DIS3L2: variants seen among roughly 807,000 people sequenced by gnomAD.
DIS3L2 encodes DIS3 like 3'-5' exoribonuclease 2.
Under a neutral mutation model 97.5 loss-of-function variants are expected in DIS3L2, and 34 were observed. The observed-to-expected ratio is 0.35, with a 90% CI of 0.27 to 0.46. The LOEUF is 0.46. Ranked by LOEUF, DIS3L2 falls within the 20% of genes least tolerant of loss-of-function variation. DIS3L2 has a pLI of 1.00. For missense variants in DIS3L2, 1,038 were observed against 1,146.0 expected, an observed-to-expected ratio of 0.91 and a Z score of 1.36; for synonymous variants, 435 against 445.2, an observed-to-expected ratio of 0.98 and a Z score of 0.29.
At chr2:232,170,252 T>G (rs1690945835) in intron 9 of DIS3L2, among the ~76,000 whole-genome samples, 1 of 152,248 alleles carries the variant, frequency 6.6e-6, no homozygotes, top group African/African-American at 2.4e-5. Flanking sequence ...TTCATTCATA[T>G]TGTTTTGTTT....
At chr2:232,174,314 G>A (rs1691082741) in intron 9 of DIS3L2, among the ~76,000 whole-genome samples, 1 of 151,932 alleles carries the variant, frequency 6.6e-6, no homozygotes, top group Non-Finnish European at 1.5e-5. Context: ...GGCCGGGCAT[G>A]GTGGCTCATG....
At chr2:232,144,402 G>A (rs573847528) in intron 8 of DIS3L2, among the ~76,000 whole-genome samples, 1 of 152,162 alleles carries the variant, frequency 6.6e-6, no homozygotes, top group Middle Eastern at 3.4e-3. Context: ...AATTACTGAT[G>A]AGGTTGAACA....
chr2:232,100,658 A>G (rs576251337), intron 6 of DIS3L2, among the ~76,000 whole-genome samples: 11 of 151,856 alleles, frequency 7.2e-5, no homozygotes, highest in African/African-American at 2.4e-4. Context: ...TTAATTCTGT[A>G]TTTTGCTATT....
chr2:232,026,090 C>G (rs1431872446), intron 4 of DIS3L2, among the ~76,000 whole-genome samples: 2 of 152,120 alleles, frequency 1.3e-5, no homozygotes, highest in African/African-American at 2.4e-5. Flanking sequence ...TTCCTCTCTT[C>G]CCTGATAACA....
At chr2:231,977,784 C>T (rs1426382509) in intron 1 of DIS3L2, among the ~76,000 whole-genome samples, 1 of 151,122 alleles carries the variant, frequency 6.6e-6, no homozygotes, top group African/African-American at 2.4e-5. Context: ...GAATTTTGAT[C>T]AGTTAGAAAA....
chr2:232,332,491 A>G (rs894298736), intron 16 of DIS3L2, among the ~76,000 whole-genome samples: 25 of 151,360 alleles, frequency 1.7e-4, no homozygotes, highest in African/African-American at 6.1e-4. Context: ...TCTGCGAGGA[A>G]CCCGTTCACT....
intron 1 of DIS3L2, among the ~76,000 whole-genome samples, chr2:231,992,620 C>G (rs887245993): frequency 2.6e-5 from 4 of 152,094 alleles, no homozygotes; most frequent in Admixed American, 6.5e-5. Flanking sequence ...TGTGTTATCC[C>G]CATTGCTTCC....
At chr2:231,992,181 A>T (rs985926830) in intron 1 of DIS3L2, among the ~76,000 whole-genome samples, 1 of 152,202 alleles carries the variant, frequency 6.6e-6, no homozygotes, top group African/African-American at 2.4e-5. Context: ...ATTGTGGAGA[A>T]GGCATCCCAA....
intron 14 of DIS3L2, among the ~76,000 whole-genome samples, chr2:232,319,487 C>T (rs1378559971): frequency 6.6e-6 from 1 of 152,222 alleles, no homozygotes; most frequent in Non-Finnish European, 1.5e-5. Flanking sequence ...CTGCACAGCT[C>T]AGCGGACCAC....
At chr2:232,161,130 A>G (rs959629650) in intron 8 of DIS3L2, among the ~76,000 whole-genome samples, 11 of 152,038 alleles carry the variant, frequency 7.2e-5, no homozygotes, top group African/African-American at 2.7e-4. Flanking sequence ...GTTGACCAGG[A>G]TGGTCTCAAT....
intron 12 of DIS3L2, among the ~76,000 whole-genome samples, chr2:232,262,495 A>C (rs1297795539): frequency 6.6e-6 from 1 of 152,194 alleles, no homozygotes; most frequent in East Asian, 1.9e-4. Context: ...TTTCCCCTAG[A>C]AGACATTTGG....
At chr2:232,335,934 C>G (rs528204502) in intron 20 of DIS3L2, 60 bp downstream of exon 20, 2 of 1,547,238 alleles carry the variant, frequency 1.3e-6, no homozygotes, top group African/African-American at 2.7e-5. Flanking sequence ...CTGCCTCCTG[C>G]GGTGCCCCTC....
At chr2:232,261,333 T>C (rs934587000) in intron 12 of DIS3L2, among the ~76,000 whole-genome samples, 8 of 152,220 alleles carry the variant, frequency 5.3e-5, no homozygotes, top group Non-Finnish European at 8.8e-5. Flanking sequence ...TTCTCTTCTT[T>C]ACCCTACAAC....
intron 7 of DIS3L2, among the ~76,000 whole-genome samples, chr2:232,135,694 G>A (rs1359149761): frequency 1.3e-5 from 2 of 152,064 alleles, no homozygotes. Flanking sequence ...GTTTCCTGCA[G>A]ACAGGCTGAG....
At position 232,333,113 on chromosome 2, in the gene DIS3L2, T is replaced by C. The variant is rs111759925; in HGVS notation, c.2011-727T>C. ...GCCTCCTCCTCTTCCTCCTCCTCAT[T>C]GTCCTCCTCGACCACCACCACCTCC... On this transcript the variant is annotated intron_variant, in intron 16 of 20. Coordinates refer to ENST00000325385, the MANE Select transcript of DIS3L2 (RefSeq NM_152383.5). Among the ~76,000 whole-genome samples the C allele has an allele frequency of 8.9e-3, 1,238 of 139,404 alleles. 24 individuals carry two copies. Among genetic ancestry groups the C allele is most frequent in the African/African-American group, 0.031 (1,150 of 37,412 alleles). The allele number at this position is 139,404 out of a possible 152,430, so 91.5% of individuals were successfully genotyped here. A position where few individuals can be genotyped will look rare whatever the true frequency, so the allele number is the denominator to read the frequency against.
At chr2:232,320,002 A>G (rs1695382161) in intron 14 of DIS3L2, among the ~76,000 whole-genome samples, 1 of 152,236 alleles carries the variant, frequency 6.6e-6, no homozygotes, top group Admixed American at 6.5e-5. Flanking sequence ...GAGAGCACTC[A>G]GCAGTCTTTG....
chr2:231,989,079 T>C (rs139696674), intron 1 of DIS3L2, among the ~76,000 whole-genome samples: 2 of 152,310 alleles, frequency 1.3e-5, no homozygotes, highest in African/African-American at 4.8e-5. Context: ...TGTATGGAGA[T>C]GTGATGGCTC....
intron 9 of DIS3L2, among the ~76,000 whole-genome samples, chr2:232,181,619 C>A (rs57358736): frequency 6.6e-6 from 1 of 151,778 alleles, no homozygotes; most frequent in Non-Finnish European, 1.5e-5. Context: ...CCACCATGCC[C>A]GGCTATTTTT....
intron 10 of DIS3L2, among the ~76,000 whole-genome samples, chr2:232,229,123 A>T (rs921330935): frequency 6.6e-6 from 1 of 152,138 alleles, no homozygotes; most frequent in Non-Finnish European, 1.5e-5. Flanking sequence ...AGCTAGTTTT[A>T]CTTAACTGGA....
Sources: allele counts gnomAD v4.1 joint callset (sites outside exome capture counted in the v4.1 genomes callset), GRCh38; gene constraint gnomAD v4.1.1; transcripts MANE v1.5; gene names NCBI Gene and HGNC (gene_info 2026-07-23, HGNC 2026-07-21).